The following SEC24B variants were observed in gnomAD, a reference collection of about 807,000 sequenced individuals.
SEC24B encodes the protein protein transport protein Sec24B.
In SEC24B, 45 loss-of-function variants were observed where a neutral mutation model predicts 142.8. The observed-to-expected ratio is 0.32, with a 90% confidence interval of 0.25 to 0.40. The LOEUF (loss-of-function observed/expected upper bound fraction) is 0.40. Among genes scored for constraint, SEC24B ranks in the 10% least tolerant of loss-of-function variants. SEC24B has a pLI of 1.00. For synonymous variants in SEC24B, 574 were observed against 568.2 expected (o/e 1.01, Z -0.15); for missense variants, 1,409 against 1,526.8 (o/e 0.92, Z 1.29).
At chr4:109,538,404 TG>T in intron 22 of SEC24B, 88 bp from the exon 23 acceptor site, 1 of 803,256 alleles carries the variant, frequency 1.2e-6, no homozygotes, top group Non-Finnish European at 2.2e-6. Context: ...TGCTGGCAGT[TG>T]GGGGTGATGG....
intron 1 of SEC24B, 35 bp downstream of exon 1, chr4:109,434,037 A>T: frequency 9.3e-7 from 1 of 1,079,762 alleles, no homozygotes; most frequent in African/African-American, 1.7e-5. Context: ...CGCGGGGCCT[A>T]GCACCGGCTG....
chr4:109,479,932 CA>C (rs1733560025), intron 3 of SEC24B, among the ~76,000 whole-genome samples: 1 of 152,128 alleles, frequency 6.6e-6, no homozygotes, highest in Admixed American at 6.5e-5. Flanking sequence ...AAGAATGTGC[CA>C]CTCTGAATTT....
At chr4:109,442,754 C>G (rs1729059250) in intron 1 of SEC24B, among the ~76,000 whole-genome samples, 1 of 152,028 alleles carries the variant, frequency 6.6e-6, no homozygotes, top group African/African-American at 2.4e-5. Flanking sequence ...TTTGTTTTCT[C>G]TCTTCATTTT....
intron 6 of SEC24B, among the ~76,000 whole-genome samples, chr4:109,498,575 A>G (rs1458876916): frequency 6.6e-6 from 1 of 152,182 alleles, no homozygotes; most frequent in South Asian, 2.1e-4. Flanking sequence ...TGTGTTAGCC[A>G]GGATGGTCTG....
intron 6 of SEC24B, among the ~76,000 whole-genome samples, chr4:109,496,940 G>A (rs1160773738): frequency 6.6e-6 from 1 of 152,176 alleles, no homozygotes; most frequent in African/African-American, 2.4e-5. Context: ...TTCAAAGAAA[G>A]GATTGATTCT....
intron 6 of SEC24B, among the ~76,000 whole-genome samples, chr4:109,497,765 T>G (rs570004654): frequency 6.6e-6 from 1 of 152,332 alleles, no homozygotes; most frequent in South Asian, 2.1e-4. Context: ...TGAATGATGC[T>G]ATTGTGAACA....
intron 6 of SEC24B, among the ~76,000 whole-genome samples, chr4:109,502,861 T>C (rs1352369222): frequency 6.6e-6 from 1 of 152,168 alleles, no homozygotes; most frequent in East Asian, 1.9e-4. Flanking sequence ...TAATTATTGG[T>C]CATATGTATT....
chr4:109,527,218 C>T (rs79677817), intron 17 of SEC24B, 104 bp from the exon 18 acceptor site: 2 of 649,710 alleles, frequency 3.1e-6, no homozygotes, highest in Non-Finnish European at 4.9e-6. Flanking sequence ...GACTCCGTCT[C>T]AAAAAAAAAA....
At chr4:109,440,141 A>G (rs1728805958) in intron 1 of SEC24B, among the ~76,000 whole-genome samples, 1 of 151,644 alleles carries the variant, frequency 6.6e-6, no homozygotes, top group South Asian at 2.1e-4. Flanking sequence ...AAAAGATCTT[A>G]AAGTATTCAC....
chr4:109,463,632 C>T lies in SEC24B; in HGVS notation c.865C>T (p.Pro289Ser), dbSNP rs1265511136. 1 of 1,612,176 alleles carries T rather than the reference C, an allele frequency of 6.2e-7. No homozygotes were observed. The highest frequency in any genetic ancestry group is 1.3e-5 in the African/African-American group (1 of 74,982). The stretch of plus-strand genomic sequence containing the variant: ...ATCCCTGGCTGTAGCGAACAACAAC[C>T]CAACCATTACTGGTAGGTTGAATGA... ...TGSLAVANNN[P>S]TITVADSLSC... Residue 289 changes from proline (P) to serine (S), a missense_variant, in exon 2 of 24, where the codon CCA becomes TCA. By Grantham distance (74) the Pro-to-Ser change is moderately conservative (BLOSUM62 -1). Around this residue, in one of 2 missense-constraint regions of SEC24B, gnomAD observed 709 missense variants for 673.5 expected, o/e 1.05. Coordinates refer to ENST00000265175, the MANE Select transcript of SEC24B (RefSeq NM_006323.5).
chr4:109,475,834 A>G (rs538343249), intron 3 of SEC24B, among the ~76,000 whole-genome samples: 1 of 152,134 alleles, frequency 6.6e-6, no homozygotes, highest in Non-Finnish European at 1.5e-5. Context: ...ATATGCTTAC[A>G]CTAGAAACTC....
intron 3 of SEC24B, among the ~76,000 whole-genome samples, chr4:109,480,650 T>G (rs985282907): frequency 6.6e-6 from 1 of 152,040 alleles, no homozygotes; most frequent in Non-Finnish European, 1.5e-5. Context: ...CCAGCTAATT[T>G]TTGTATTTTT....
chr4:109,505,061 A>T (rs1052141126), intron 6 of SEC24B, among the ~76,000 whole-genome samples: 17 of 152,246 alleles, frequency 1.1e-4, no homozygotes, highest in African/African-American at 3.6e-4. Context: ...TAATAAAAAT[A>T]GTTAACTATA....
intron 1 of SEC24B, among the ~76,000 whole-genome samples, chr4:109,453,850 G>A (rs530553525): frequency 2.1e-4 from 32 of 152,230 alleles, no homozygotes; most frequent in African/African-American, 4.8e-4. Context: ...AGGTCCTGCC[G>A]TTCGGTATCC....
At chr4:109,443,626 A>G (rs1032679287) in intron 1 of SEC24B, among the ~76,000 whole-genome samples, 1 of 152,112 alleles carries the variant, frequency 6.6e-6, no homozygotes, top group Admixed American at 6.5e-5. Flanking sequence ...TGGGCATACA[A>G]ATGTGAATGT....
chr4:109,436,025 C>T (rs893329522), intron 1 of SEC24B, among the ~76,000 whole-genome samples: 10 of 152,046 alleles, frequency 6.6e-5, no homozygotes, highest in Admixed American at 5.2e-4. Flanking sequence ...GCCAAGGCAT[C>T]GAAGCCGAAA....
chr4:109,517,809 C>A (rs1044114552), intron 11 of SEC24B, among the ~76,000 whole-genome samples: 2 of 151,848 alleles, frequency 1.3e-5, no homozygotes, highest in Non-Finnish European at 2.9e-5. Context: ...GTAATTTATG[C>A]CTGAGCAAGG....
chr4:109,453,898 C>G (rs1408847069), intron 1 of SEC24B, among the ~76,000 whole-genome samples: 1 of 152,160 alleles, frequency 6.6e-6, no homozygotes, highest in Non-Finnish European at 1.5e-5. Flanking sequence ...GCTCTTGTCC[C>G]CCAGGCTGGA....
At chr4:109,490,458 AC>A (rs1714024773) in intron 4 of SEC24B, among the ~76,000 whole-genome samples, 1 of 152,120 alleles carries the variant, frequency 6.6e-6, no homozygotes, top group South Asian at 2.1e-4. Context: ...CCTCTGTAGC[AC>A]AGAATTTTGT....
Sources: gnomAD v4.1 joint callset for allele counts (sites outside exome capture counted in the v4.1 genomes callset) on GRCh38, gnomAD v4.1.1 for gene constraint, gnomAD v4.1.1 regional missense constraint, MANE v1.5 for transcripts, NCBI Gene and HGNC (gene_info 2026-07-23, HGNC 2026-07-21) for gene names.